NCOA2: variants seen among roughly 807,000 people sequenced by gnomAD.
NCOA2 encodes class E basic helix-loop-helix protein 75.
A neutral mutation model predicts 145.1 loss-of-function variants in NCOA2; 21 were observed. That is an observed-to-expected ratio of 0.14 (90% CI 0.10 to 0.21). NCOA2 has a LOEUF of 0.21. NCOA2 is among the 10% of genes least tolerant of loss of function. The probability of loss-of-function intolerance (pLI) is 1.00; values close to 1 mark genes in which losing one functional copy is unlikely to be tolerated. For synonymous variants in NCOA2, 619 were observed against 637.5 expected (o/e 0.97, Z 0.44); for missense variants, 1,472 against 1,837.6 (o/e 0.80, Z 3.64).
In NCOA2 at chr8:70,212,361, A is replaced by G. The variant is rs920607928; in HGVS notation, c.259+1542T>C. The stretch of plus-strand genomic sequence containing the variant: ...AATTGAGGTTTAAACTGAGTTTTTG[A>G]TAACTAGTGAACCCCAAAGGGAAAA... On this transcript the variant is annotated intron_variant, in intron 4 of 22. Transcript: ENST00000452400. 4.6e-5 allele frequency among the ~76,000 whole-genome samples: 7 copies of G among 152,292 alleles called. No individual in the cohort carries two copies. The South Asian group carries it at 1.2e-3, about 27-fold the overall frequency.
intron 2 of NCOA2, among the ~76,000 whole-genome samples, chr8:70,249,977 A>AG (rs1554606851): frequency 2.9e-5 from 4 of 137,918 alleles, no homozygotes; most frequent in African/African-American, 5.6e-5. Flanking sequence ...AAAAAAAAAA[A>AG]AAGAAGAAGA....
chr8:70,256,544 T>C (rs1354525633), intron 2 of NCOA2, among the ~76,000 whole-genome samples: 4 of 152,230 alleles, frequency 2.6e-5, no homozygotes, highest in Non-Finnish European at 4.4e-5. Flanking sequence ...CCATTCTTTA[T>C]ACCATTTGAC....
the NCOA2 span, among the ~76,000 whole-genome samples, chr8:70,420,453 G>T: frequency 6.6e-6 from 1 of 152,186 alleles, no homozygotes; most frequent in African/African-American, 2.4e-5. Context: ...AGGAAAGGCT[G>T]AGAACTACTA....
At chr8:70,249,955 T>A (rs1212041238) in intron 2 of NCOA2, among the ~76,000 whole-genome samples, 1 of 59,944 alleles carries the variant, frequency 1.7e-5, no homozygotes, top group Non-Finnish European at 3.3e-5. Flanking sequence ...AGAGAGAGAA[T>A]CTGCCTCCAA....
At chr8:70,131,768 A>G (rs1809134142) in intron 16 of NCOA2, 69 bp downstream of exon 16, 4 of 1,480,980 alleles carry the variant, frequency 2.7e-6, no homozygotes, top group African/African-American at 1.4e-5. Context: ...GAGTACCTGT[A>G]AACAGAAAAT....
chr8:70,239,931 C>A (rs951242542), intron 2 of NCOA2, among the ~76,000 whole-genome samples: 15 of 152,170 alleles, frequency 9.9e-5, no homozygotes, highest in South Asian at 8.3e-4. Context: ...GACTGAGAGA[C>A]CACCTTTGCT....
chr8:70,343,556 C>T (rs1808332478), intron 1 of NCOA2, among the ~76,000 whole-genome samples: 1 of 151,902 alleles, frequency 6.6e-6, no homozygotes, highest in Admixed American at 6.6e-5. Flanking sequence ...GCCTGTAATC[C>T]CAGCACTTTG....
intron 4 of NCOA2, among the ~76,000 whole-genome samples, chr8:70,207,239 C>A (rs1818536230): frequency 6.6e-6 from 1 of 152,110 alleles, no homozygotes; most frequent in Admixed American, 6.5e-5. Context: ...CATACAAGTA[C>A]AAGGTGATCA....
At position 70,214,090 on chromosome 8, in the gene NCOA2, C is replaced by A. The variant is rs751652748; in HGVS notation, c.87-15G>T. 1 of 1,586,292 alleles carries A rather than the reference C, an allele frequency of 6.3e-7. No homozygotes were observed. Among genetic ancestry groups the A allele is most frequent in the East Asian group, 2.2e-5 (1 of 44,644 alleles). ...TCCTTTTGGGGCTTAAAAGAAGAAA[C>A]ACATTTTTATGATGTATTTGAAAAA... On this transcript the variant is annotated splice_polypyrimidine_tract_variant and intron_variant, in intron 3 of 22. Transcript: ENST00000452400.
chr8:70,392,566 A>G (rs1446883815), intron 1 of NCOA2, among the ~76,000 whole-genome samples: 1 of 152,238 alleles, frequency 6.6e-6, no homozygotes, highest in Non-Finnish European at 1.5e-5. Flanking sequence ...TTATTTATCT[A>G]TTAAGACATC....
intron 2 of NCOA2, among the ~76,000 whole-genome samples, chr8:70,232,722 A>G (rs1300498068): frequency 6.6e-6 from 1 of 152,044 alleles, no homozygotes; most frequent in Non-Finnish European, 1.5e-5. Context: ...TCCATCCTTT[A>G]AAATAAAAAT....
intron 12 of NCOA2, among the ~76,000 whole-genome samples, chr8:70,145,207 G>C (rs925351726): frequency 2.0e-5 from 3 of 152,096 alleles, no homozygotes; most frequent in South Asian, 4.1e-4. Context: ...GCCCAAGCTA[G>C]AGTGCAATGG....
At chr8:70,222,505 G>A (rs1820240298) in intron 2 of NCOA2, among the ~76,000 whole-genome samples, 1 of 152,160 alleles carries the variant, frequency 6.6e-6, no homozygotes, top group Non-Finnish European at 1.5e-5. Flanking sequence ...TCTGCTCTTA[G>A]ATTACTTTTG....
chr8:70,147,771 C>T (rs547293051), intron 12 of NCOA2, among the ~76,000 whole-genome samples: 4 of 151,762 alleles, frequency 2.6e-5, no homozygotes, highest in African/African-American at 7.2e-5. Flanking sequence ...TGTGTGTAGC[C>T]CTTTCATGTA....
chr8:70,223,896 T>C (rs573840698), intron 2 of NCOA2, among the ~76,000 whole-genome samples: 5 of 152,364 alleles, frequency 3.3e-5, no homozygotes, highest in African/African-American at 4.8e-5. Flanking sequence ...CTAGTATGTA[T>C]TACAGGAAGC....
chr8:70,439,377 A>G, the NCOA2 span, among the ~76,000 whole-genome samples: 1 of 152,182 alleles, frequency 6.6e-6, no homozygotes, highest in Non-Finnish European at 1.5e-5. Context: ...AGTGAGAAGG[A>G]GGAACAGGGA....
At chr8:70,293,937 C>A (rs1826892619) in intron 2 of NCOA2, among the ~76,000 whole-genome samples, 3 of 152,096 alleles carry the variant, frequency 2.0e-5, no homozygotes. Flanking sequence ...CATTTACACT[C>A]ATAGATACAA....
intron 2 of NCOA2, among the ~76,000 whole-genome samples, chr8:70,237,586 G>C (rs1370972453): frequency 6.6e-6 from 1 of 151,794 alleles, no homozygotes; most frequent in African/African-American, 2.4e-5. Flanking sequence ...AACATAGTGA[G>C]ACTCTGTATC....
intron 7 of NCOA2, among the ~76,000 whole-genome samples, chr8:70,164,888 G>A (rs959263414): frequency 5.3e-5 from 8 of 151,440 alleles, no homozygotes; most frequent in African/African-American, 1.2e-4. Flanking sequence ...TATGACACAC[G>A]TAGTAGCATT....
Sources: gnomAD v4.1 joint callset for allele counts (sites outside exome capture counted in the v4.1 genomes callset) on GRCh38, gnomAD v4.1.1 for gene constraint, MANE v1.5 for transcripts, NCBI Gene and HGNC (gene_info 2026-07-23, HGNC 2026-07-21) for gene names.